The following GABRR1 variants were observed in gnomAD, a reference collection of about 807,000 sequenced individuals.
The protein encoded by GABRR1 is gamma-aminobutyric acid receptor subunit rho-1.
In GABRR1, 59 loss-of-function variants were observed where a neutral mutation model predicts 55.5. That is an observed-to-expected ratio of 1.06 (90% CI 0.86 to 1.32). GABRR1 has a LOEUF of 1.32. Ranked by LOEUF, GABRR1 falls within the 40% of genes most tolerant of loss-of-function variation. The pLI, the probability that GABRR1 is intolerant of heterozygous loss-of-function variation, is 0.00. For missense variants in GABRR1, 602 were observed against 619.1 expected (o/e 0.97, Z 0.29); for synonymous variants, 213 against 226.0 (o/e 0.94, Z 0.51).
intron 9 of GABRR1, 83 bp from the exon 10 acceptor site, chr6:89,179,146 T>C: frequency 2.2e-6 from 3 of 1,368,444 alleles, no homozygotes; most frequent in Non-Finnish European, 3.0e-6. Context: ...TAGTGGAGGG[T>C]GTTGCCTGGT....
chr6:89,178,746 T>C lies in GABRR1; in HGVS notation c.*24A>G. The C allele has an allele frequency of 6.3e-7, 1 of 1,581,960 alleles. No individual in the cohort carries two copies. Among genetic ancestry groups the C allele is most frequent in the Non-Finnish European group, 8.7e-7 (1 of 1,151,392 alleles). On this transcript the variant is annotated 3_prime_UTR_variant, in exon 10 of 10. Transcript: ENST00000454853. ...TTCTGTAGTGCATGCCATGGAAATGTGAAATTTGTAGAATTACAAGCATCT... is the reference window on the plus strand; with the variant it reads ...TTCTGTAGTGCATGCCATGGAAATGCGAAATTTGTAGAATTACAAGCATCT...
chr6:89,224,013 G>T (rs567182041), intron 1 of GABRR1, among the ~76,000 whole-genome samples: 6 of 151,888 alleles, frequency 4.0e-5, no homozygotes, highest in African/African-American at 1.4e-4. Flanking sequence ...TGCCTGCCTC[G>T]GCCTCCCAAA....
In GABRR1 at chr6:89,198,144, C is replaced by A; in HGVS notation, c.448G>T (p.Val150Phe). Residue 150 changes from valine to phenylalanine, a missense_variant, in exon 5 of 10, where the codon GTC becomes TTC. This residue lies in a region of GABRR1 where 435 missense variants were observed against 424.2 expected (regional missense o/e 1.03). Coordinates refer to ENST00000454853, the MANE Select transcript of GABRR1 (RefSeq NM_002042.5). The part of the protein sequence containing the change: ...NLSMTFDGRL[V>F]KKIWVPDMFF... ...ATGTCAGGGACCCAGATCTTCTTGA[C>A]CAGCCGGCCGTCAAACGTCATGCTG... The A allele has an allele frequency of 6.2e-7, 1 of 1,614,070 alleles. No individual in the cohort carries two copies. The highest frequency in any genetic ancestry group is 8.5e-7 in the Non-Finnish European group (1 of 1,180,008).
chr6:89,185,005 C>A (rs1418979040), intron 7 of GABRR1, among the ~76,000 whole-genome samples: 3 of 151,782 alleles, frequency 2.0e-5, no homozygotes, highest in Non-Finnish European at 4.4e-5. Flanking sequence ...CCACCTCAGC[C>A]TTCCAGATAG....
At chr6:89,230,667 G>A (rs1230979526) in intron 1 of GABRR1, among the ~76,000 whole-genome samples, 1 of 151,450 alleles carries the variant, frequency 6.6e-6, no homozygotes, top group Non-Finnish European at 1.5e-5. Flanking sequence ...TCTCTTCAAA[G>A]CTGTCAGACA....
chr6:89,180,642 G>A (rs1771689045), intron 8 of GABRR1, among the ~76,000 whole-genome samples, 154 bp from the exon 9 acceptor site: 1 of 152,070 alleles, frequency 6.6e-6, no homozygotes, highest in South Asian at 2.1e-4. Flanking sequence ...CATCTTTCAA[G>A]ATTTAGCTTT....
chr6:89,194,299 G>A (rs182735079), intron 5 of GABRR1, among the ~76,000 whole-genome samples: 4 of 152,254 alleles, frequency 2.6e-5, no homozygotes, highest in East Asian at 1.9e-4. Flanking sequence ...TCCCCCATTC[G>A]GGACTGGCGG....
chr6:89,230,246 GC>G (rs1173262535), intron 1 of GABRR1, among the ~76,000 whole-genome samples: 1 of 142,458 alleles, frequency 7.0e-6, no homozygotes, highest in African/African-American at 2.6e-5. Flanking sequence ...ATCATCTGAA[GC>G]CTTCTTCTCT....
At chr6:89,199,026 G>A (rs1744838868) in intron 4 of GABRR1, among the ~76,000 whole-genome samples, 1 of 152,116 alleles carries the variant, frequency 6.6e-6, no homozygotes, top group Non-Finnish European at 1.5e-5. Flanking sequence ...TCGACAGCCA[G>A]GTACAGAATC....
chr6:89,209,426 GTGAAAT>G (rs1404067918), intron 1 of GABRR1, among the ~76,000 whole-genome samples: 1 of 152,084 alleles, frequency 6.6e-6, no homozygotes, highest in Non-Finnish European at 1.5e-5. Flanking sequence ...TGCCTTTTGA[GTGAAAT>G]CCCCATAGCC....
At chr6:89,201,286 A>C (rs1170422394) in intron 2 of GABRR1, 21 bp from the exon 3 acceptor site, 11 of 1,521,402 alleles carry the variant, frequency 7.2e-6, no homozygotes, top group Non-Finnish European at 9.1e-6. Context: ...GGAAGAAACC[A>C]GGCTGATCAT....
chr6:89,208,485 A>G (rs1452901242), intron 1 of GABRR1, among the ~76,000 whole-genome samples: 2 of 152,218 alleles, frequency 1.3e-5, no homozygotes, highest in Non-Finnish European at 2.9e-5. Context: ...TGTTACTGTG[A>G]CGATATTTTT....
chr6:89,180,345 C>G lies in GABRR1; in HGVS notation c.1093G>C (p.Val365Leu). 1 of 1,613,778 alleles carries G rather than the reference C, an allele frequency of 6.2e-7. No individual in the cohort carries two copies. Among genetic ancestry groups the G allele is most frequent in the Non-Finnish European group, 8.5e-7 (1 of 1,179,824 alleles). ...VFLSVLEYAA[V>L]NYLTTVQERK... ...TCCTGCACAGTGGTCAGGTAGTTGACGGCCGCATACTCCAGCACCGAGAGG... is the reference window on the plus strand; with the variant it reads ...TCCTGCACAGTGGTCAGGTAGTTGAGGGCCGCATACTCCAGCACCGAGAGG... Residue 365 changes from valine to leucine, a missense_variant, in exon 9 of 10, where the codon GTC (valine) becomes CTC (leucine). Val to Leu is a conservative substitution (Grantham distance 32). This residue lies in a region of GABRR1 where 28 missense variants were observed against 53.9 expected (regional missense o/e 0.52). Coordinates refer to ENST00000454853, the MANE Select transcript of GABRR1 (RefSeq NM_002042.5).
At chr6:89,225,243 C>T (rs1399463071) in intron 1 of GABRR1, among the ~76,000 whole-genome samples, 1 of 146,468 alleles carries the variant, frequency 6.8e-6, no homozygotes, top group Non-Finnish European at 1.5e-5. Flanking sequence ...ACTTTCCCCA[C>T]TTTATGTTTC....
intron 1 of GABRR1, among the ~76,000 whole-genome samples, chr6:89,222,939 G>A (rs996356947): frequency 3.3e-5 from 5 of 152,160 alleles, no homozygotes; most frequent in African/African-American, 1.2e-4. Context: ...AAACTATGAC[G>A]TTTTGATAGC....
Position 89,185,469 on chromosome 6 carries a change from G to A in GABRR1, c.656-19C>T, listed in dbSNP as rs377734727. On this transcript the variant is annotated intron_variant, in intron 6 of 9. Coordinates refer to ENST00000454853, the MANE Select transcript of GABRR1 (RefSeq NM_002042.5). ...TAGGCATCTGAAAAGACAGGGGCCA[G>A]CATCAGACACAAGGTGGTGGCAAGA... 1.2e-4 allele frequency: 191 copies of A among 1,610,616 alleles called. No individual in the cohort carries two copies. Among genetic ancestry groups the A allele is most frequent in the Non-Finnish European group, 1.6e-4 (190 of 1,177,192 alleles).
Position 89,198,207 on chromosome 6 carries a change from T to G in GABRR1, c.385A>C (p.Lys129Gln). The change falls in exon 5 of 10, where the codon AAG becomes CAG. Residue 129 changes from lysine to glutamine, a missense_variant. By Grantham distance (53) the Lys-to-Gln change is moderately conservative. This residue lies in a region of GABRR1 where 435 missense variants were observed against 424.2 expected (regional missense o/e 1.03). Transcript: ENST00000454853. ...CTTGGAAAAGACAGCCTCTCGTCCT[T>G]CCAGTAGTGCCTCAGGTAGAGGGTC... Reference protein sequence around the residue: ...TMTLYLRHYWKDERLSFPSTN... With the variant: ...TMTLYLRHYWQDERLSFPSTN... 1 of 1,614,064 alleles carries G rather than the reference T, an allele frequency of 6.2e-7. No homozygotes were observed. Among genetic ancestry groups the G allele is most frequent in the East Asian group, 2.2e-5 (1 of 44,882 alleles).
intron 1 of GABRR1, among the ~76,000 whole-genome samples, chr6:89,214,647 A>G (rs1772933677): frequency 6.6e-6 from 1 of 152,240 alleles, no homozygotes; most frequent in Non-Finnish European, 1.5e-5. Context: ...GATATACGAA[A>G]AAATGCTCAA....
At chr6:89,191,952 G>A (rs1772103795) in intron 5 of GABRR1, among the ~76,000 whole-genome samples, 1 of 151,926 alleles carries the variant, frequency 6.6e-6, no homozygotes, top group Non-Finnish European at 1.5e-5. Context: ...TGAGGCAGGA[G>A]AACTGCTTGA....
Sources: gnomAD v4.1 joint callset for allele counts (sites outside exome capture counted in the v4.1 genomes callset) on GRCh38, gnomAD v4.1.1 for gene constraint, gnomAD v4.1.1 regional missense constraint, MANE v1.5 for transcripts, NCBI Gene and HGNC (gene_info 2026-07-23, HGNC 2026-07-21) for gene names.